Variants in KAT6B observed in about 807,000 individuals in gnomAD.
The protein encoded by KAT6B is lysine acetyltransferase 6B, also known as histone acetyltransferase KAT6B.
In KAT6B, 10 loss-of-function variants were observed where a neutral mutation model predicts 187.5. The observed-to-expected ratio is 0.05, with a 90% CI of 0.03 to 0.09. KAT6B has a LOEUF of 0.09. Among genes scored for constraint, KAT6B ranks in the 10% least tolerant of loss-of-function variants. The pLI, the probability that KAT6B is intolerant of heterozygous loss-of-function variation, is 1.00. For missense variants in KAT6B, 1,952 were observed against 2,558.9 expected, an observed-to-expected ratio of 0.76 and a Z score of 5.12; for synonymous variants, 861 against 926.8, an observed-to-expected ratio of 0.93 and a Z score of 1.29.
At position 74,987,429 on chromosome 10, in the gene KAT6B, CA is replaced by C. The variant is rs752779099; in HGVS notation, c.2536-1579del. 4.4e-3 allele frequency among the ~76,000 whole-genome samples: 625 copies of C among 143,018 alleles called. 3 individuals carry two copies. Among genetic ancestry groups the C allele is most frequent in the Non-Finnish European group, 7.7e-3 (502 of 65,058 alleles). The allele number at this position is 143,018 out of a possible 152,430, so 93.8% of individuals were successfully genotyped here. A position where few individuals can be genotyped will look rare whatever the true frequency, so the allele number is the denominator to read the frequency against. ...GCCTGGCAACAGCAAGACTCCATCT[CA>C]AAAAAAAAAAGACTAGATGAAACTA... is the stretch of plus-strand genomic sequence containing the variant. On this transcript the variant is annotated intron_variant, in intron 12 of 17. Coordinates refer to ENST00000287239, the MANE Select transcript of KAT6B (RefSeq NM_012330.4).
At chr10:74,921,386 T>C (rs1426709896) in intron 3 of KAT6B, among the ~76,000 whole-genome samples, 1 of 152,166 alleles carries the variant, frequency 6.6e-6, no homozygotes, top group Non-Finnish European at 1.5e-5. Context: ...AGTGCTGGGA[T>C]TATAGGCATG....
intron 3 of KAT6B, among the ~76,000 whole-genome samples, chr10:74,919,230 C>CTA (rs931756845): frequency 4.6e-5 from 7 of 151,612 alleles, no homozygotes; most frequent in African/African-American, 7.2e-5. Flanking sequence ...ATCTATCTAT[C>CTA]TATATATATA....
At chr10:74,990,837 G>T (rs1443408353) in intron 13 of KAT6B, among the ~76,000 whole-genome samples, 1 of 152,192 alleles carries the variant, frequency 6.6e-6, no homozygotes, top group African/African-American at 2.4e-5. Context: ...TACAGAATAA[G>T]GCAAACTCCT....
chr10:74,971,862 G>C (rs1407473615), intron 6 of KAT6B, among the ~76,000 whole-genome samples: 1 of 151,984 alleles, frequency 6.6e-6, no homozygotes, highest in Non-Finnish European at 1.5e-5. Context: ...CAGATAGATA[G>C]CTATTTGTTC....
chr10:75,012,112 C>CA (rs983404639), intron 13 of KAT6B, among the ~76,000 whole-genome samples: 15 of 152,130 alleles, frequency 9.9e-5, no homozygotes, highest in African/African-American at 3.6e-4. Context: ...GTCTGATGTG[C>CA]AGGCAGGGTC....
At chr10:74,972,661 A>G in intron 7 of KAT6B, 22 bp downstream of exon 7, 1 of 1,605,446 alleles carries the variant, frequency 6.2e-7, no homozygotes, top group South Asian at 1.1e-5. Flanking sequence ...TCTTATCAAA[A>G]GAAATCATTT....
intron 3 of KAT6B, among the ~76,000 whole-genome samples, chr10:74,951,725 A>C (rs955946730): frequency 6.6e-6 from 1 of 152,244 alleles, no homozygotes; most frequent in Non-Finnish European, 1.5e-5. Context: ...TATGTGTGTC[A>C]GAGTAAAAAA....
intron 3 of KAT6B, among the ~76,000 whole-genome samples, chr10:74,906,753 GCTTCAGT>G (rs1846788332): frequency 6.6e-6 from 1 of 152,140 alleles, no homozygotes; most frequent in Admixed American, 6.5e-5. Flanking sequence ...TACAGTCTTG[GCTTCAGT>G]CCACTTTTCT....
chr10:74,998,264 T>C (rs555874617), intron 13 of KAT6B, among the ~76,000 whole-genome samples: 2 of 152,230 alleles, frequency 1.3e-5, no homozygotes, highest in East Asian at 3.9e-4. Flanking sequence ...AATGGTTATT[T>C]TCTAAAGGAA....
At chr10:74,924,527 G>A (rs975859959) in intron 3 of KAT6B, among the ~76,000 whole-genome samples, 3 of 152,156 alleles carry the variant, frequency 2.0e-5, no homozygotes, top group African/African-American at 7.2e-5. Context: ...TAAATACCAT[G>A]TTACAAGCCA....
At position 75,029,333 on chromosome 10, in the gene KAT6B, CGAG is replaced by C; in HGVS notation, c.4513_4515del (p.Glu1505del). On this transcript the variant is annotated inframe_deletion, in exon 18 of 18. Coordinates refer to ENST00000287239, the MANE Select transcript of KAT6B (RefSeq NM_012330.4). This position sits in a 1 kb window ranked among gnomAD's most constrained non-coding sequence, Gnocchi z 6.2. ...ACCCTGAAGCTGTACCCGAATCTGA[CGAG>C]GAGCCACCCCCAGGAGAACAGGCAC... 1 of 1,614,014 alleles carries C rather than the reference CGAG, an allele frequency of 6.2e-7. No homozygotes were observed.
At chr10:74,862,519 T>TG (rs1003768186) in intron 3 of KAT6B, among the ~76,000 whole-genome samples, 1 of 152,218 alleles carries the variant, frequency 6.6e-6, no homozygotes, top group Non-Finnish European at 1.5e-5. Context: ...TAGAACTTTT[T>TG]GAAGTTTCCT....
chr10:74,996,307 T>C (rs1843428642), intron 13 of KAT6B, among the ~76,000 whole-genome samples: 2 of 152,144 alleles, frequency 1.3e-5, no homozygotes, highest in South Asian at 4.1e-4. Context: ...CAGTATGCCT[T>C]GAGAGCTCAT....
chr10:75,030,303 C>T lies in KAT6B; in HGVS notation c.5479C>T (p.Leu1827Phe), dbSNP rs765917920. The T allele has an allele frequency of 1.2e-6, 2 of 1,614,268 alleles. No individual in the cohort carries two copies. The highest frequency in any genetic ancestry group is 1.7e-6 in the Non-Finnish European group (2 of 1,180,046). ...LAKLQQLTNT[L>F]IDHSLPYSHS... ...CAAACTGCAGCAGTTAACTAATACACTTATTGATCATTCATTGCCTTACAG... is the reference window on the plus strand; with the variant it reads ...CAAACTGCAGCAGTTAACTAATACATTTATTGATCATTCATTGCCTTACAG... The change falls in exon 18 of 18, where the codon CTT becomes TTT. Residue 1827 changes from leucine to phenylalanine, a missense_variant. By Grantham distance (22) the Leu-to-Phe change is conservative. This residue lies in a region of KAT6B where 358 missense variants were observed against 436.3 expected (regional missense o/e 0.82). Coordinates refer to ENST00000287239, the MANE Select transcript of KAT6B (RefSeq NM_012330.4). The surrounding 1 kb of genome is among the most constrained non-coding windows in gnomAD (Gnocchi z 4.8).
At chr10:75,020,533 C>T in intron 13 of KAT6B, 49 bp from the exon 14 acceptor site, 5 of 1,308,768 alleles carry the variant, frequency 3.8e-6, no homozygotes, top group Non-Finnish European at 5.5e-6. Flanking sequence ...CTGTTCTAAG[C>T]TCTGGGAATG....
At chr10:74,940,577 G>GTTT (rs78026413) in intron 3 of KAT6B, among the ~76,000 whole-genome samples, 3 of 126,750 alleles carry the variant, frequency 2.4e-5, no homozygotes, top group African/African-American at 6.2e-5. Context: ...CCCGGCCTTT[G>GTTT]TTTTTTTTTT....
At chr10:74,970,205 TC>T (rs1220386784) in intron 6 of KAT6B, 104 bp downstream of exon 6, 1 of 803,530 alleles carries the variant, frequency 1.2e-6, no homozygotes, top group Non-Finnish European at 2.1e-6. Flanking sequence ...AGCATTTTTT[TC>T]ATCCCTCCCA....
Position 75,015,469 on chromosome 10 carries a change from C to G in KAT6B, c.2630-5113C>G, listed in dbSNP as rs144460559. On this transcript the variant is annotated intron_variant, in intron 13 of 17. Transcript: ENST00000287239. ...AATTTAAACGAGGAGATATAAATAGCCTGTCAAGTTCATTTGTCATTATTT... is the reference window on the plus strand; with the variant it reads ...AATTTAAACGAGGAGATATAAATAGGCTGTCAAGTTCATTTGTCATTATTT... 3.9e-3 allele frequency among the ~76,000 whole-genome samples: 598 copies of G among 152,258 alleles called. 2 individuals carry two copies. Among genetic ancestry groups the G allele is most frequent in the African/African-American group, 0.013 (557 of 41,554 alleles).
At chr10:74,930,007 C>T (rs1038316203) in intron 3 of KAT6B, among the ~76,000 whole-genome samples, 2 of 151,260 alleles carry the variant, frequency 1.3e-5, no homozygotes, top group African/African-American at 4.9e-5. Context: ...TCAACCTCTA[C>T]CTCCTGGGTT....
Sources: allele counts gnomAD v4.1 joint callset (sites outside exome capture counted in the v4.1 genomes callset), GRCh38; gene constraint gnomAD v4.1.1; regional missense constraint gnomAD v4.1.1; non-coding constraint Gnocchi (gnomAD v3.1); transcripts MANE v1.5; gene names NCBI Gene and HGNC (gene_info 2026-07-23, HGNC 2026-07-21).